The following SLC4A4 variants were observed in gnomAD, a reference collection of about 807,000 sequenced individuals.
The protein encoded by SLC4A4 is solute carrier family 4 member 4.
In SLC4A4, 27 loss-of-function variants were observed where a neutral mutation model predicts 111.5. That is an observed-to-expected ratio of 0.24 (90% CI 0.18 to 0.33). The LOEUF (loss-of-function observed/expected upper bound fraction) is 0.33. Among genes scored for constraint, SLC4A4 ranks in the 10% least tolerant of loss-of-function variants. The pLI, the probability that SLC4A4 is intolerant of heterozygous loss-of-function variation, is 1.00. For missense variants in SLC4A4, 909 were observed against 1,315.5 expected (o/e 0.69, Z 4.78); for synonymous variants, 443 against 463.4 (o/e 0.96, Z 0.57).
intron 16 of SLC4A4, among the ~76,000 whole-genome samples, chr4:71,501,993 G>T (rs1336936223): frequency 1.4e-5 from 2 of 147,386 alleles, no homozygotes; most frequent in Admixed American, 6.7e-5. Context: ...ATGGAGTCTT[G>T]CTCTGTTGCC....
chr4:71,441,841 G>A (rs1018744567), intron 8 of SLC4A4, among the ~76,000 whole-genome samples: 1 of 152,190 alleles, frequency 6.6e-6, no homozygotes, highest in Non-Finnish European at 1.5e-5. Context: ...ACATAGGGCT[G>A]TTATTGGACA....
intron 2 of SLC4A4, among the ~76,000 whole-genome samples, chr4:71,155,691 C>T (rs796100260): frequency 1.1e-4 from 17 of 152,104 alleles, no homozygotes; most frequent in African/African-American, 4.1e-4. Context: ...CTTGAACTCC[C>T]ATGTTCAAGT....
In SLC4A4 at chr4:71,482,698, A is replaced by G. The variant is rs76502980; in HGVS notation, c.1904-4250A>G. On this transcript the variant is annotated intron_variant, in intron 14 of 25. Transcript: ENST00000264485. ...CAACACTATCCAAATAGTATCTGTAATTTCATATATGTTGCCTTTCCTCAA... is the reference window on the plus strand; with the variant it reads ...CAACACTATCCAAATAGTATCTGTAGTTTCATATATGTTGCCTTTCCTCAA... Among the ~76,000 whole-genome samples the G allele has an allele frequency of 1.4e-3, 218 of 151,760 alleles. 1 individual carries two copies. Among genetic ancestry groups the G allele is most frequent in the African/African-American group, 5.0e-3 (207 of 41,498 alleles).
chr4:71,562,417 G>A (rs966343390), intron 23 of SLC4A4, among the ~76,000 whole-genome samples: 1 of 151,580 alleles, frequency 6.6e-6, no homozygotes, highest in African/African-American at 2.4e-5. Flanking sequence ...GGGGACATGA[G>A]GGTTACAGCT....
intron 13 of SLC4A4, among the ~76,000 whole-genome samples, chr4:71,469,149 A>AT: frequency 6.6e-6 from 1 of 152,090 alleles, no homozygotes; most frequent in East Asian, 1.9e-4. Flanking sequence ...ATTTTTACAC[A>AT]TTTTATCACA....
chr4:71,341,625 A>T (rs534207413), intron 4 of SLC4A4, among the ~76,000 whole-genome samples: 60 of 152,274 alleles, frequency 3.9e-4, no homozygotes, highest in Non-Finnish European at 6.8e-4. Flanking sequence ...TCAAGTGTTT[A>T]TGAAGTTAAT....
At chr4:71,559,049 T>C (rs1470025787) in intron 22 of SLC4A4, among the ~76,000 whole-genome samples, 1 of 151,850 alleles carries the variant, frequency 6.6e-6, no homozygotes, top group Non-Finnish European at 1.5e-5. Flanking sequence ...AATTTTAAAA[T>C]GGTTTACTTT....
intron 7 of SLC4A4, among the ~76,000 whole-genome samples, chr4:71,423,993 G>A (rs1041688599): frequency 6.6e-5 from 10 of 152,178 alleles, no homozygotes; most frequent in African/African-American, 2.2e-4. Context: ...TGACAAATGG[G>A]ATCTAGTTAA....
chr4:71,227,948 A>G (rs1394456675), intron 1 of SLC4A4, among the ~76,000 whole-genome samples: 1 of 152,226 alleles, frequency 6.6e-6, no homozygotes, highest in East Asian at 1.9e-4. Context: ...TGTATTCTAC[A>G]ATGGAACTCT....
intron 1 of SLC4A4, among the ~76,000 whole-genome samples, chr4:71,090,257 A>C (rs1042601212): frequency 6.6e-6 from 1 of 152,030 alleles, no homozygotes; most frequent in African/African-American, 2.4e-5. Context: ...GTGCAGTATT[A>C]GGGTGGGAGT....
intron 18 of SLC4A4, among the ~76,000 whole-genome samples, chr4:71,535,690 A>C (rs1734351011): frequency 6.6e-6 from 1 of 152,228 alleles, no homozygotes; most frequent in African/African-American, 2.4e-5. Context: ...ACATCATGGG[A>C]AAGTTGCTAA....
intron 4 of SLC4A4, among the ~76,000 whole-genome samples, chr4:71,343,367 T>C (rs1560426093): frequency 6.6e-6 from 1 of 152,196 alleles, no homozygotes; most frequent in African/African-American, 2.4e-5. Flanking sequence ...ATTTCATTAA[T>C]ATATTGATGA....
chr4:71,446,386 A>G (rs1485176946), intron 8 of SLC4A4, among the ~76,000 whole-genome samples: 2 of 152,212 alleles, frequency 1.3e-5, no homozygotes, highest in Admixed American at 6.5e-5. Flanking sequence ...CTAAGCATCC[A>G]GAAGTGACCC....
chr4:71,424,161 C>G (rs2149029280), intron 7 of SLC4A4, among the ~76,000 whole-genome samples: 1 of 152,098 alleles, frequency 6.6e-6, no homozygotes, highest in East Asian at 1.9e-4. Context: ...ACAAACAACC[C>G]CATCAAAAAG....
intron 2 of SLC4A4, among the ~76,000 whole-genome samples, chr4:71,129,688 T>G (rs1420714368): frequency 6.8e-6 from 1 of 147,508 alleles, no homozygotes; most frequent in Admixed American, 7.1e-5. Context: ...GCAGCACTAC[T>G]CACAATAGCA....
At chr4:71,523,480 G>A (rs977998707) in intron 16 of SLC4A4, among the ~76,000 whole-genome samples, 1 of 151,940 alleles carries the variant, frequency 6.6e-6, no homozygotes, top group South Asian at 2.1e-4. Flanking sequence ...AAACACAGTC[G>A]ACCTGAATTG....
chr4:71,364,670 G>C (rs1731086582), intron 6 of SLC4A4, among the ~76,000 whole-genome samples: 1 of 152,102 alleles, frequency 6.6e-6, no homozygotes, highest in Non-Finnish European at 1.5e-5. Flanking sequence ...ACTTTACAAA[G>C]GCTTCACCTT....
chr4:71,230,677 C>T (rs369478857), intron 1 of SLC4A4, among the ~76,000 whole-genome samples: 5 of 152,202 alleles, frequency 3.3e-5, no homozygotes, highest in African/African-American at 1.2e-4. Flanking sequence ...GGTGCCATCC[C>T]CGATGCCTTT....
chr4:71,313,146 A>C lies in SLC4A4; in HGVS notation c.254-26224A>C, dbSNP rs183209470. On this transcript the variant is annotated intron_variant, in intron 3 of 25. Coordinates refer to ENST00000264485, the MANE Select transcript of SLC4A4 (RefSeq NM_001098484.3). ...CCATACACCAAAAATAGACAAACAG[A>C]GAGTCAAATCATGAGTGAACTTTCA... Among the ~76,000 whole-genome samples, 64 of 152,374 alleles carry C rather than the reference A, an allele frequency of 4.2e-4. No homozygotes were observed. In the East Asian group the frequency reaches 0.012, roughly 28 times the overall value.
Sources: gnomAD v4.1 joint callset for allele counts (sites outside exome capture counted in the v4.1 genomes callset) on GRCh38, gnomAD v4.1.1 for gene constraint, MANE v1.5 for transcripts, NCBI Gene and HGNC (gene_info 2026-07-23, HGNC 2026-07-21) for gene names.